ZC2HC1A: variants seen among roughly 807,000 people sequenced by gnomAD.
The protein encoded by ZC2HC1A is zinc finger C2HC domain-containing protein 1A.
Under a neutral mutation model 40.7 loss-of-function variants are expected in ZC2HC1A, and 28 were observed. The observed-to-expected ratio is 0.69, with a 90% CI of 0.51 to 0.94. The LOEUF is 0.94. ZC2HC1A is among the 40% of genes least tolerant of loss of function. The pLI is 0.00. For synonymous variants in ZC2HC1A, 129 were observed against 129.2 expected (o/e 1.00, Z 0.01); for missense variants, 389 against 386.3 (o/e 1.01, Z -0.06).
chr8:78,717,699 C>T lies in ZC2HC1A; in HGVS notation c.*206C>T, dbSNP rs1414897076. The T allele has an allele frequency of 2.8e-6, 1 of 352,876 alleles. No individual in the cohort carries two copies. The highest frequency in any genetic ancestry group is 2.1e-5 in the African/African-American group (1 of 47,596). 21.9% of individuals were successfully genotyped at this position (352,876 alleles called of 1,614,324 possible). On this transcript the variant is annotated 3_prime_UTR_variant, in exon 9 of 9. Transcript: ENST00000263849. ...TGTATATAATAAATATCTGATACCC[C>T]AGACTGTGTCATTCAAGGAAATATT...
chr8:78,666,684 G>GAC (rs1809309408), intron 1 of ZC2HC1A, among the ~76,000 whole-genome samples: 1 of 152,212 alleles, frequency 6.6e-6, no homozygotes, highest in Non-Finnish European at 1.5e-5. Flanking sequence ...AGGGATGTCA[G>GAC]AGCATCTCCT....
At chr8:78,666,910 G>A (rs1327814313) in intron 1 of ZC2HC1A, among the ~76,000 whole-genome samples, 5 of 152,122 alleles carry the variant, frequency 3.3e-5, no homozygotes. Flanking sequence ...TGTAATGAAA[G>A]CATTCACCTA....
intron 7 of ZC2HC1A, 30 bp downstream of exon 7, chr8:78,698,543 G>C: frequency 1.4e-6 from 2 of 1,449,202 alleles, no homozygotes; most frequent in Non-Finnish European, 1.9e-6. Flanking sequence ...AATTATTAGT[G>C]GTATATAATT....
chr8:78,711,966 G>A, intron 7 of ZC2HC1A: 1 of 1,267,370 alleles, frequency 7.9e-7, no homozygotes, highest in Non-Finnish European at 1.0e-6. Context: ...CTCCTTATGG[G>A]TACACCTTTA....
chr8:78,713,991 A>G (rs1046854956), intron 7 of ZC2HC1A, among the ~76,000 whole-genome samples: 3 of 152,190 alleles, frequency 2.0e-5, no homozygotes, highest in Non-Finnish European at 2.9e-5. Context: ...GCTATTTACA[A>G]TTTTAGGGTA....
chr8:78,674,844 T>A (rs1457652430), intron 1 of ZC2HC1A, among the ~76,000 whole-genome samples: 1 of 152,146 alleles, frequency 6.6e-6, no homozygotes, highest in African/African-American at 2.4e-5. Flanking sequence ...AAAATTAGTT[T>A]GTTACTTCTA....
chr8:78,709,027 A>C (rs1303588570), intron 7 of ZC2HC1A, among the ~76,000 whole-genome samples: 2 of 152,174 alleles, frequency 1.3e-5, no homozygotes, highest in Non-Finnish European at 2.9e-5. Flanking sequence ...AGATCTTTTA[A>C]ATAAATATTT....
chr8:78,708,825 G>A (rs1402701247), intron 7 of ZC2HC1A, among the ~76,000 whole-genome samples: 3 of 151,928 alleles, frequency 2.0e-5, no homozygotes, highest in Non-Finnish European at 4.4e-5. Flanking sequence ...GGACAGGTGT[G>A]TGCTACCATG....
intron 1 of ZC2HC1A, among the ~76,000 whole-genome samples, chr8:78,674,930 T>C (rs1375609419): frequency 6.6e-6 from 1 of 152,066 alleles, no homozygotes; most frequent in East Asian, 1.9e-4. Flanking sequence ...GCAGAAACTA[T>C]GGGGAACATG....
chr8:78,687,903 AT>A lies in ZC2HC1A; in HGVS notation c.352+1298del, dbSNP rs1383772761. On this transcript the variant is annotated intron_variant, in intron 4 of 8. Transcript: ENST00000263849. ...TATATTTATATAATAAATTATATAT[AT>A]TTATATAAATATATAATTATTTATA... is the stretch of plus-strand genomic sequence containing the variant. Among the ~76,000 whole-genome samples, 46 of 56,394 alleles carry A rather than the reference AT, an allele frequency of 8.2e-4. 1 individual carries two copies. The highest frequency in any genetic ancestry group is 3.4e-3 in the East Asian group (3 of 886). 37.0% of individuals were successfully genotyped at this position (56,394 alleles called of 152,430 possible).
chr8:78,701,621 G>C (rs960281350), intron 7 of ZC2HC1A, among the ~76,000 whole-genome samples: 2 of 152,148 alleles, frequency 1.3e-5, no homozygotes, highest in Non-Finnish European at 2.9e-5. Context: ...GTATGATGTT[G>C]GCTGTGGATT....
At chr8:78,673,956 G>A (rs967359516) in intron 1 of ZC2HC1A, among the ~76,000 whole-genome samples, 23 of 151,510 alleles carry the variant, frequency 1.5e-4, no homozygotes, top group Admixed American at 3.3e-4. Context: ...AATAATTTTC[G>A]TTTTTTAAAA....
rs558975821 is a variant in ZC2HC1A at position 78,700,967 on chromosome 8, C to G, written c.704+2454C>G. ...TTCTTTTTGCTTAGAATTACCTTGG[C>G]TAGTTTGACTCATTTTTTATTCTAT... On this transcript the variant is annotated intron_variant, in intron 7 of 8. Transcript: ENST00000263849. 7.9e-5 allele frequency among the ~76,000 whole-genome samples: 12 copies of G among 152,268 alleles called. No individual in the cohort carries two copies. In the South Asian group the frequency reaches 2.5e-3, roughly 32 times the overall value.
At chr8:78,708,540 T>G (rs1209239275) in intron 7 of ZC2HC1A, among the ~76,000 whole-genome samples, 1 of 151,400 alleles carries the variant, frequency 6.6e-6, no homozygotes, top group Non-Finnish European at 1.5e-5. Flanking sequence ...AAAAACAACC[T>G]TTTTAAACCT....
At chr8:78,682,479 C>T (rs560751234) in intron 3 of ZC2HC1A, among the ~76,000 whole-genome samples, 1 of 152,120 alleles carries the variant, frequency 6.6e-6, no homozygotes, top group Non-Finnish European at 1.5e-5. Flanking sequence ...AGGGGAACTT[C>T]CCTTTTTAAT....
intron 4 of ZC2HC1A, among the ~76,000 whole-genome samples, chr8:78,687,983 T>TTA (rs1404413018): frequency 2.1e-5 from 3 of 145,240 alleles, no homozygotes; most frequent in South Asian, 2.1e-4. Flanking sequence ...TATATATAAA[T>TTA]TATATATATA....
At chr8:78,717,245 A>G in intron 8 of ZC2HC1A, 83 bp from the exon 9 acceptor site, 1 of 1,293,864 alleles carries the variant, frequency 7.7e-7, no homozygotes, top group Non-Finnish European at 1.0e-6. Flanking sequence ...TAATTGTTAT[A>G]TTTATGTCCT....
At chr8:78,684,056 C>G (rs1809874545) in intron 3 of ZC2HC1A, among the ~76,000 whole-genome samples, 1 of 152,248 alleles carries the variant, frequency 6.6e-6, no homozygotes, top group South Asian at 2.1e-4. Context: ...TAGGAAGTTC[C>G]AAACTTTCCC....
intron 5 of ZC2HC1A, among the ~76,000 whole-genome samples, chr8:78,691,645 C>T (rs1413148229): frequency 6.6e-6 from 1 of 151,876 alleles, no homozygotes; most frequent in African/African-American, 2.4e-5. Context: ...AAAAATTCAC[C>T]ATTTCTTTTC....
Sources: allele counts gnomAD v4.1 joint callset (sites outside exome capture counted in the v4.1 genomes callset), GRCh38; gene constraint gnomAD v4.1.1; transcripts MANE v1.5; gene names NCBI Gene and HGNC (gene_info 2026-07-23, HGNC 2026-07-21).